The following ANK3 variants were observed in gnomAD, a reference collection of about 807,000 sequenced individuals.
ANK3 encodes the protein ankyrin-3.
In ANK3, 57 loss-of-function variants were observed where a neutral mutation model predicts 370.9. The ratio of observed to expected loss-of-function variants is 0.15; its 90% CI spans 0.12 to 0.19. The LOEUF is 0.19. ANK3 is among the 10% of genes least tolerant of loss of function. ANK3 has a pLI of 1.00. For missense variants in ANK3, 4,439 were observed against 5,302.1 expected (o/e 0.84, Z 5.06); for synonymous variants, 1,929 against 1,946.3 (o/e 0.99, Z 0.23).
intron 1 of ANK3, among the ~76,000 whole-genome samples, chr10:60,619,142 C>T (rs940604973): frequency 6.6e-6 from 1 of 152,072 alleles, no homozygotes; most frequent in African/African-American, 2.4e-5. Context: ...CCAAACCTCT[C>T]TGTACCGCCA....
At chr10:60,200,074 T>G in intron 13 of ANK3, 55 bp downstream of exon 13, 1 of 1,437,572 alleles carries the variant, frequency 7.0e-7, no homozygotes, top group South Asian at 1.2e-5. Flanking sequence ...AAAAGTTTTA[T>G]GAAAATCCAA....
chr10:60,539,535 G>A lies in ANK3; in HGVS notation c.96+75651C>T, dbSNP rs558311306. Among the ~76,000 whole-genome samples, 28 of 152,040 alleles carry A rather than the reference G, an allele frequency of 1.8e-4. No homozygotes were observed. In the Middle Eastern group the frequency reaches 0.02, roughly 111 times the overall value. On this transcript the variant is annotated intron_variant, in intron 2 of 43. Transcript: ENST00000373827. ...TACCAAAGAAGATGGTACCTAACTTGCTCACCCTATGTGGTTTCTACGAGA... is the reference window on the plus strand; with the variant it reads ...TACCAAAGAAGATGGTACCTAACTTACTCACCCTATGTGGTTTCTACGAGA...
At chr10:60,048,292 C>T (rs2131885343) in intron 42 of ANK3, among the ~76,000 whole-genome samples, 1 of 152,304 alleles carries the variant, frequency 6.6e-6, no homozygotes, top group South Asian at 2.1e-4. Context: ...GGACAGCATC[C>T]ATGAGGTAAG....
At chr10:60,469,022 A>C (rs2065085126) in intron 2 of ANK3, among the ~76,000 whole-genome samples, 1 of 34,824 alleles carries the variant, frequency 2.9e-5, no homozygotes, top group Admixed American at 2.9e-4. Context: ...TATATATACC[A>C]CTTTTAGTGT....
intron 1 of ANK3, among the ~76,000 whole-genome samples, chr10:60,663,832 T>C (rs1435852923): frequency 6.6e-6 from 1 of 152,224 alleles, no homozygotes; most frequent in Admixed American, 6.5e-5. Flanking sequence ...ACAATGAGCT[T>C]TCACAAATCG....
chr10:60,035,285 G>A (rs2131843464), intron 43 of ANK3, among the ~76,000 whole-genome samples: 1 of 151,950 alleles, frequency 6.6e-6, no homozygotes, highest in Admixed American at 6.5e-5. Flanking sequence ...GTCTTGCTCT[G>A]TCGCCCAGGC....
intron 2 of ANK3, among the ~76,000 whole-genome samples, chr10:60,593,306 A>G (rs2133295436): frequency 6.6e-6 from 1 of 152,312 alleles, no homozygotes; most frequent in East Asian, 1.9e-4. Context: ...CCTGTCCTGT[A>G]GCTGGGAAGT....
rs551486534 is a variant in ANK3, at chr10:60,727,188, T to C, written c.57+6075A>G. 2.8e-4 allele frequency among the ~76,000 whole-genome samples: 42 copies of C among 152,298 alleles called. No homozygotes were observed. In the South Asian group the frequency reaches 6.0e-3, roughly 22 times the overall value. On this transcript the variant is annotated intron_variant, in intron 1 of 43. Coordinates refer to the ANK3 transcript ENST00000373827. The stretch of plus-strand genomic sequence containing the variant: ...TACAAATATATTCTTGGCATCTTTA[T>C]TTGTCACAGTCAAAAGTTGAAAACA...
At chr10:60,284,219 G>A (rs2098209838) in intron 1 of ANK3, among the ~76,000 whole-genome samples, 1 of 152,130 alleles carries the variant, frequency 6.6e-6, no homozygotes, top group African/African-American at 2.4e-5. Flanking sequence ...GAAGAGGCAA[G>A]GAAGAATTCT....
At position 60,409,173 on chromosome 10, in the gene ANK3, T is replaced by A. The variant is rs181011097; in HGVS notation, c.97-129534A>T. Among the ~76,000 whole-genome samples the A allele has an allele frequency of 4.8e-3, 724 of 152,264 alleles. 7 individuals are homozygous for A. The highest frequency in any genetic ancestry group is 7.7e-3 in the Non-Finnish European group (524 of 68,028). Reference sequence around the variant, plus strand: ...GATTTCTCCGTTTTATGGGTTTCATTAAAAAGAAAAAGCCTCCCTTCATGC... The same window carrying A: ...GATTTCTCCGTTTTATGGGTTTCATAAAAAAGAAAAAGCCTCCCTTCATGC... On this transcript the variant is annotated intron_variant, in intron 2 of 43. Coordinates refer to the ANK3 transcript ENST00000373827.
chr10:60,139,214 G>T, intron 23 of ANK3, 127 bp from the exon 24 acceptor site: 1 of 1,168,738 alleles, frequency 8.6e-7, no homozygotes, highest in Non-Finnish European at 1.2e-6. Context: ...CCTATCACCT[G>T]GATAATTTTT....
intron 2 of ANK3, among the ~76,000 whole-genome samples, chr10:60,494,103 T>C (rs956830519): frequency 6.6e-6 from 1 of 152,224 alleles, no homozygotes; most frequent in Non-Finnish European, 1.5e-5. Flanking sequence ...GTGAAATTGC[T>C]GAACTAATCT....
At chr10:60,553,274 G>A (rs552990430) in intron 2 of ANK3, among the ~76,000 whole-genome samples, 16 of 150,410 alleles carry the variant, frequency 1.1e-4, no homozygotes, top group South Asian at 2.1e-4. Flanking sequence ...CCTTAGACAC[G>A]TTTCTTAGGT....
intron 2 of ANK3, among the ~76,000 whole-genome samples, chr10:60,588,668 C>T (rs953091773): frequency 1.3e-5 from 2 of 152,010 alleles, no homozygotes; most frequent in Non-Finnish European, 2.9e-5. Flanking sequence ...TGCCTGTAAT[C>T]CCAGCACTGT....
At chr10:60,044,112 G>A (rs956264741) in intron 42 of ANK3, 58 of 985,400 alleles carry the variant, frequency 5.9e-5, no homozygotes, top group African/African-American at 7.0e-5. Context: ...ATAACAATTC[G>A]TCTTAATACT....
At chr10:60,421,903 G>A (rs909274567) in intron 2 of ANK3, among the ~76,000 whole-genome samples, 11 of 152,058 alleles carry the variant, frequency 7.2e-5, no homozygotes, top group African/African-American at 2.7e-4. Context: ...GTGACCAAAA[G>A]GAAGAAGTTT....
intron 1 of ANK3, chr10:60,684,570 C>T: frequency 1.3e-6 from 2 of 1,587,562 alleles, no homozygotes; most frequent in Non-Finnish European, 1.7e-6. Context: ...AATCCTTCCA[C>T]ATTGTTATGC....
chr10:60,251,779 A>G (rs1348769406), intron 7 of ANK3, among the ~76,000 whole-genome samples: 1 of 152,184 alleles, frequency 6.6e-6, no homozygotes, highest in Admixed American at 6.5e-5. Flanking sequence ...CACCTTATAC[A>G]CTACTGCCAT....
chr10:60,529,776 A>G (rs958449288), intron 2 of ANK3, among the ~76,000 whole-genome samples: 1 of 152,162 alleles, frequency 6.6e-6, no homozygotes, highest in Non-Finnish European at 1.5e-5. Context: ...CATTAACACC[A>G]TCTATAGGCA....
Sources: allele counts gnomAD v4.1 joint callset (sites outside exome capture counted in the v4.1 genomes callset), GRCh38; gene constraint gnomAD v4.1.1; transcripts MANE v1.5; gene names NCBI Gene and HGNC (gene_info 2026-07-23, HGNC 2026-07-21).